Variants in CORO7 observed in about 807,000 individuals in gnomAD.
The protein encoded by CORO7 is coronin 7.
A neutral mutation model predicts 126.6 loss-of-function variants in CORO7; 107 were observed. The observed-to-expected ratio is 0.85, with a 90% confidence interval of 0.72 to 0.99. The LOEUF (loss-of-function observed/expected upper bound fraction) is 0.99. Among genes scored for constraint, CORO7 ranks in the 50% least tolerant of loss-of-function variants. CORO7 has a pLI of 0.00. For missense variants in CORO7, 1,314 were observed against 1,255.8 expected, an observed-to-expected ratio of 1.05 and a Z score of -0.70; for synonymous variants, 603 against 536.8, an observed-to-expected ratio of 1.12 and a Z score of -1.70.
rs150350387 is a variant in CORO7 at position 4,359,501 on chromosome 16, G to A, written c.2229C>T (p.Gly743=). Residue 743 remains glycine (G), a synonymous_variant, in exon 22 of 28, where the codon GGC becomes GGT. Transcript: ENST00000251166. ...TLLPSYDPDT[G]LVLLTGKGDT... ...CCACCTTGCCGGTCAGGAGCACCAGGCCAGTGTCTGGGTCGTAGCTGGGCA... is the reference window on the plus strand; with the variant it reads ...CCACCTTGCCGGTCAGGAGCACCAGACCAGTGTCTGGGTCGTAGCTGGGCA... 2.5e-6 allele frequency: 4 copies of A among 1,613,378 alleles called. No individual in the cohort carries two copies. In the African/African-American group the frequency reaches 5.3e-5, roughly 22 times the overall value.
At chr16:4,377,379 C>T (rs1473448409) in intron 9 of CORO7, among the ~76,000 whole-genome samples, 1 of 152,134 alleles carries the variant, frequency 6.6e-6, no homozygotes, top group Non-Finnish European at 1.5e-5. Flanking sequence ...GCGGCAACCA[C>T]CGTGTGACCT....
At chr16:4,390,268 C>G (rs553615016) in intron 7 of CORO7, among the ~76,000 whole-genome samples, 2 of 152,200 alleles carry the variant, frequency 1.3e-5, no homozygotes, top group Admixed American at 6.5e-5. Flanking sequence ...GTTTCCATGT[C>G]TGTAAAAAGC....
chr16:4,412,307 A>T, intron 3 of CORO7, 49 bp downstream of exon 3: 9 of 1,601,722 alleles, frequency 5.6e-6, no homozygotes, highest in Non-Finnish European at 7.7e-6. Flanking sequence ...GGCCCTGGAG[A>T]GGGAGGTGCA....
chr16:4,358,429 G>C lies in CORO7; in HGVS notation c.2395C>G (p.Arg799Gly). 6.2e-7 allele frequency: 1 copy of C among 1,611,860 alleles called. No homozygotes were observed. Among genetic ancestry groups the C allele is most frequent in the Non-Finnish European group, 8.5e-7 (1 of 1,179,264 alleles). The change falls in exon 24 of 28, where the codon CGG becomes GGG. Residue 799 changes from arginine to glycine, a missense_variant. Arg to Gly is a moderately radical substitution (Grantham distance 125). Coordinates refer to ENST00000251166, the MANE Select transcript of CORO7 (RefSeq NM_024535.5). ...ECDVREVELM[R>G]CLRLRQSSLE... ...GAGGACTGACGCAGCCGCAGGCACC[G>C]CATCAGCTCCACTTCCCGCACGTCG...
intron 9 of CORO7, among the ~76,000 whole-genome samples, chr16:4,366,637 G>A (rs530949957): frequency 6.6e-6 from 1 of 151,378 alleles, no homozygotes; most frequent in Non-Finnish European, 1.5e-5. Context: ...AACCTCCTGG[G>A]CTCAAGCAAT....
intron 9 of CORO7, among the ~76,000 whole-genome samples, chr16:4,374,699 G>C (rs1439053680): frequency 6.6e-6 from 1 of 152,190 alleles, no homozygotes. Flanking sequence ...CCATTGATCA[G>C]CTCACAGACC....
chr16:4,360,557 AG>A lies in CORO7; in HGVS notation c.1918-10del. 6.3e-7 allele frequency: 1 copy of A among 1,588,264 alleles called. No individual in the cohort carries two copies. The highest frequency in any genetic ancestry group is 8.6e-7 in the Non-Finnish European group (1 of 1,167,968). ...CAGGCCAGGCTGAAGATCTGGGGGCAGGAAGGGATATGAGAGACAGCCTTGC... is the reference window on the plus strand; with the variant it reads ...CAGGCCAGGCTGAAGATCTGGGGGCAGAAGGGATATGAGAGACAGCCTTGC... On this transcript the variant is annotated splice_polypyrimidine_tract_variant and intron_variant, in intron 19 of 27. Transcript: ENST00000251166.
chr16:4,372,328 C>A (rs566330789), intron 9 of CORO7, among the ~76,000 whole-genome samples: 40 of 152,370 alleles, frequency 2.6e-4, no homozygotes, highest in African/African-American at 5.8e-4. Flanking sequence ...ATGAATCAAA[C>A]CCCTTTGAGG....
chr16:4,407,357 T>A (rs185628870), intron 5 of CORO7, 144 bp downstream of exon 5: 1 of 948,764 alleles, frequency 1.1e-6, no homozygotes, highest in East Asian at 2.7e-5. Context: ...TACAGCCTCA[T>A]AGAATCTTAA....
rs531929779 is a variant in CORO7, at chr16:4,395,491, C to T, written c.565-152G>A. ...CACACACCAGGGCATCCCTCCTCAGCCCTGTTCCTCCTCCTCAGCACAGCA... is the reference window on the plus strand; with the variant it reads ...CACACACCAGGGCATCCCTCCTCAGTCCTGTTCCTCCTCCTCAGCACAGCA... On this transcript the variant is annotated intron_variant, in intron 6 of 27. Transcript: ENST00000251166. 2.6e-4 allele frequency: 247 copies of T among 959,650 alleles called. 4 individuals are homozygous for T. In the South Asian group the frequency reaches 3.8e-3, roughly 15 times the overall value. The allele number at this position is 959,650 out of a possible 1,614,324, so 59.4% of individuals were successfully genotyped here. A position where few individuals can be genotyped will look rare whatever the true frequency, so the allele number is the denominator to read the frequency against.
Position 4,382,281 on chromosome 16 carries a change from C to T in CORO7, c.785+5705G>A, listed in dbSNP as rs189040409. 1.5e-4 allele frequency: 246 copies of T among 1,608,680 alleles called. 1 individual carries two copies. The highest frequency in any genetic ancestry group is 1.9e-4 in the Non-Finnish European group (219 of 1,178,502). On this transcript the variant is annotated intron_variant, in intron 9 of 27. Transcript: ENST00000251166. ...CACCACGGTCCCTGACCCTGGGCAT[C>T]GAGCCGGTGAGCCCCACCTCCCTGC...
intron 6 of CORO7, among the ~76,000 whole-genome samples, chr16:4,396,325 C>T (rs374176256): frequency 3.9e-5 from 6 of 152,094 alleles, no homozygotes; most frequent in African/African-American, 7.2e-5. Context: ...GTGATCCGCC[C>T]GCCTCGGCCT....
At chr16:4,407,435 A>G (rs2056041506) in intron 5 of CORO7, 66 bp downstream of exon 5, 1 of 1,517,328 alleles carries the variant, frequency 6.6e-7, no homozygotes, top group Non-Finnish European at 8.9e-7. Context: ...AAACATGCCA[A>G]CAAAGAAACG....
At position 4,354,788 on chromosome 16, in the gene CORO7, T is replaced by C. The variant is rs534391902; in HGVS notation, c.*370A>G. 18 of 294,224 alleles carry C rather than the reference T, an allele frequency of 6.1e-5. 1 individual carries two copies. In the South Asian group the frequency reaches 2.4e-3, roughly 39 times the overall value. 18.2% of individuals were successfully genotyped at this position (294,224 alleles called of 1,614,324 possible). On this transcript the variant is annotated 3_prime_UTR_variant, in exon 28 of 28. Transcript: ENST00000251166. ...GAACAGCAGGCAAGATGGGGCAGCGTGGGGTGACCAAAGATCCTGGATGAG... is the reference window on the plus strand; with the variant it reads ...GAACAGCAGGCAAGATGGGGCAGCGCGGGGTGACCAAAGATCCTGGATGAG...
intron 7 of CORO7, among the ~76,000 whole-genome samples, chr16:4,392,045 G>T (rs2055411024): frequency 6.6e-6 from 1 of 152,152 alleles, no homozygotes; most frequent in Non-Finnish European, 1.5e-5. Context: ...TCAATAGTAA[G>T]ACCCCCCACT....
Position 4,416,510 on chromosome 16 carries a change from G to T in CORO7, c.9C>A (p.Arg3=). Residue 3 remains arginine, a synonymous_variant, in exon 1 of 28, where the codon CGC becomes CGA. Transcript: ENST00000251166. ...TGTGCCGGAACTTGGACACCCTGAA[G>T]CGGTTCATGGCGACGGGCACGGCGG... The part of the protein sequence containing the change: MN[R]FRVSKFRHTE... 1 of 1,577,118 alleles carries T rather than the reference G, an allele frequency of 6.3e-7. No homozygotes were observed. Among genetic ancestry groups the T allele is most frequent in the Non-Finnish European group, 8.6e-7 (1 of 1,164,848 alleles).
chr16:4,396,246 A>C (rs1466199705), intron 6 of CORO7, among the ~76,000 whole-genome samples: 1 of 151,890 alleles, frequency 6.6e-6, no homozygotes, highest in Non-Finnish European at 1.5e-5. Flanking sequence ...CATCTGGCTA[A>C]TTTTTGTATT....
At chr16:4,355,575 T>C in intron 26 of CORO7, 1 of 576,708 alleles carries the variant, frequency 1.7e-6, no homozygotes, top group Non-Finnish European at 3.0e-6. Flanking sequence ...TTTACACCAC[T>C]GTCCTGCCTC....
chr16:4,398,967 C>CA (rs60502616), intron 6 of CORO7, among the ~76,000 whole-genome samples: 1,904 of 61,420 alleles, frequency 0.031, 23 homozygotes, highest in African/African-American at 0.082. Flanking sequence ...GACTCCGTCT[C>CA]AAAAAAAAAA....
Sources: allele counts gnomAD v4.1 joint callset (sites outside exome capture counted in the v4.1 genomes callset), GRCh38; gene constraint gnomAD v4.1.1; transcripts MANE v1.5; gene names NCBI Gene and HGNC (gene_info 2026-07-23, HGNC 2026-07-21).